Variants in GRHL3 observed in about 807,000 individuals in gnomAD.
GRHL3 encodes grainyhead like transcription factor 3.
In GRHL3, 20 loss-of-function variants were observed where a neutral mutation model predicts 70.3. The observed-to-expected ratio is 0.28, with a 90% confidence interval of 0.20 to 0.41. The LOEUF (loss-of-function observed/expected upper bound fraction) is 0.41. GRHL3 is among the 10% of genes least tolerant of loss of function. GRHL3 has a pLI of 1.00. For missense variants in GRHL3, 637 were observed against 762.3 expected, an observed-to-expected ratio of 0.84 and a Z score of 1.94; for synonymous variants, 299 against 299.9, an observed-to-expected ratio of 1.00 and a Z score of 0.03.
intron 1 of GRHL3, 100 bp downstream of exon 1, chr1:24,319,668 A>G: frequency 6.2e-7 from 1 of 1,608,646 alleles, no homozygotes; most frequent in Non-Finnish European, 8.5e-7. Flanking sequence ...CGGGATTCAC[A>G]GAGCAATTTG....
intron 15 of GRHL3, among the ~76,000 whole-genome samples, chr1:24,360,432 C>T (rs1035968534): frequency 3.9e-5 from 6 of 151,970 alleles, no homozygotes; most frequent in African/African-American, 7.3e-5. Flanking sequence ...GGCGATACAG[C>T]GAGACTCCGT....
At chr1:24,356,297 G>A (rs1640716788), downstream of GRHL3, among the ~76,000 whole-genome samples, 1 of 148,306 alleles carries the variant, frequency 6.7e-6, no homozygotes, top group South Asian at 2.2e-4. Context: ...GGCTGGAGTG[G>A]AGTGGCACGA....
intron 11 of GRHL3, 98 bp from the exon 12 acceptor site, chr1:24,344,799 T>A: frequency 7.3e-7 from 1 of 1,372,804 alleles, no homozygotes; most frequent in Non-Finnish European, 1.0e-6. Flanking sequence ...TCTCCCCACC[T>A]CCCACCAAAA....
intron 8 of GRHL3, among the ~76,000 whole-genome samples, chr1:24,340,244 C>T (rs547832325): frequency 2.5e-4 from 38 of 152,302 alleles, no homozygotes; most frequent in Middle Eastern, 3.4e-3. Flanking sequence ...CAGAATGTCG[C>T]ATGCAGGAGA....
chr1:24,329,697 T>G (rs1639531040), intron 1 of GRHL3, among the ~76,000 whole-genome samples: 1 of 152,226 alleles, frequency 6.6e-6, no homozygotes, highest in Non-Finnish European at 1.5e-5. Flanking sequence ...TGCATTATCG[T>G]AAATGGCAGC....
At chr1:24,356,698 A>G (rs1341260009), downstream of GRHL3, among the ~76,000 whole-genome samples, 1 of 152,208 alleles carries the variant, frequency 6.6e-6, no homozygotes, top group East Asian at 1.9e-4. Context: ...TCAGAGCCTC[A>G]GGGCTCACTG....
intron 11 of GRHL3, among the ~76,000 whole-genome samples, chr1:24,344,485 GAAAAAAAAAAAAA>G (rs57193515): frequency 5.4e-5 from 3 of 55,778 alleles, no homozygotes; most frequent in Non-Finnish European, 9.7e-5. Context: ...TTTCCCCCCA[GAAAAAAAAAAAAA>G]AAAAAAAAAA....
At chr1:24,355,732 A>G (rs1449119101), downstream of GRHL3, among the ~76,000 whole-genome samples, 1 of 152,200 alleles carries the variant, frequency 6.6e-6, no homozygotes, top group Non-Finnish European at 1.5e-5. Context: ...TACAGCTCAC[A>G]GAAGCAATTG....
chr1:24,324,502 A>C (rs1416729666), intron 1 of GRHL3, among the ~76,000 whole-genome samples: 1 of 152,238 alleles, frequency 6.6e-6, no homozygotes, highest in Admixed American at 6.5e-5. Context: ...AGTAGTTCAC[A>C]TTGTTATGTG....
Position 24,338,099 on chromosome 1 carries a change from C to T in GRHL3, c.948C>T (p.Asp316=), listed in dbSNP as rs369797169. The change falls in exon 7 of 16, where the codon GAC becomes GAT. Residue 316 remains aspartate (D), a synonymous_variant. Transcript: ENST00000361548. ...RQPTAKQRVI[D]VADCKENFNT... ...CCACTGCCAAGCAGCGGGTCATTGA[C>T]GTGGGTGAGAGCCTTCTCAAGCCTC... 32 of 1,602,680 alleles carry T rather than the reference C, an allele frequency of 2.0e-5. No individual in the cohort carries two copies. Among genetic ancestry groups the T allele is most frequent in the African/African-American group, 8.0e-5 (6 of 74,734 alleles).
In GRHL3 at chr1:24,360,824, T is replaced by C. The variant is rs145821697; in HGVS notation, c.1695-3361T>C. Reference sequence around the variant, plus strand: ...AAACAGTTCCAGAAGATTTGGTTTTTACAATCATTTAAAACAATCCTCTGA... The same window carrying C: ...AAACAGTTCCAGAAGATTTGGTTTTCACAATCATTTAAAACAATCCTCTGA... On this transcript the variant is annotated intron_variant, in intron 15 of 15. Transcript: ENST00000350501. The C allele has an allele frequency of 2.1e-4, 336 of 1,566,520 alleles. No individual in the cohort carries two copies. In the African/African-American group the frequency reaches 4.1e-3, roughly 19 times the overall value.
At chr1:24,363,002 T>C (rs983589269) in intron 15 of GRHL3, among the ~76,000 whole-genome samples, 10 of 152,196 alleles carry the variant, frequency 6.6e-5, no homozygotes, top group Admixed American at 3.9e-4. Flanking sequence ...CTCCAGACAT[T>C]TGATGAGTTT....
At chr1:24,343,332 G>A (rs1640124625) in intron 11 of GRHL3, 1 of 342,396 alleles carries the variant, frequency 2.9e-6, no homozygotes, top group Non-Finnish European at 5.5e-6. Context: ...GAATTCTCAC[G>A]GCAGCACTTG....
rs191107871 is a variant in GRHL3 at position 24,353,395 on chromosome 1, G to C, written c.1695-979G>C. Among the ~76,000 whole-genome samples, 47 of 152,178 alleles carry C rather than the reference G, an allele frequency of 3.1e-4. No homozygotes were observed. In the East Asian group the frequency reaches 4.4e-3, roughly 14 times the overall value. On this transcript the variant is annotated intron_variant, in intron 15 of 15. Transcript: ENST00000361548. ...GGTGGGCAGGTGGATGGAGGATGGT[G>C]GATGGGTGGGGGTGTGGGTAGATGG...
chr1:24,347,847 T>C (rs1490513882), intron 14 of GRHL3, among the ~76,000 whole-genome samples: 1 of 152,208 alleles, frequency 6.6e-6, no homozygotes, highest in Non-Finnish European at 1.5e-5. Context: ...TTTGCAAACC[T>C]GTTTCTGTTT....
intron 15 of GRHL3, among the ~76,000 whole-genome samples, 176 bp from the exon 16 acceptor site, chr1:24,354,198 A>T (rs1640625775): frequency 6.6e-6 from 1 of 151,776 alleles, no homozygotes; most frequent in Non-Finnish European, 1.5e-5. Flanking sequence ...GCAGTAAAGG[A>T]GACTGTGACT....
chr1:24,328,692 T>C (rs1639484440), intron 1 of GRHL3, among the ~76,000 whole-genome samples: 1 of 152,234 alleles, frequency 6.6e-6, no homozygotes, highest in Non-Finnish European at 1.5e-5. Flanking sequence ...TTCTACCACT[T>C]TGCAACCCCT....
At chr1:24,364,402 G>A (rs773122253) in exon 16 of GRHL3, 27 of 1,511,384 alleles carry the variant, frequency 1.8e-5, no homozygotes, top group South Asian at 9.3e-5. Context: ...GTGGAAGGAC[G>A]ACGGCAGGTC....
rs2247991 is a variant in GRHL3, at chr1:24,319,888, G to A, written c.17+320G>A. 20,532 of 499,544 alleles carry A rather than the reference G, an allele frequency of 0.041. 3,486 individuals carry two copies. The highest frequency in any genetic ancestry group is 0.36 in the African/African-American group (18,542 of 50,878). 30.9% of individuals were successfully genotyped at this position (499,544 alleles called of 1,614,324 possible). On this transcript the variant is annotated intron_variant, in intron 1 of 15. Coordinates refer to ENST00000361548, the MANE Select transcript of GRHL3 (RefSeq NM_198173.3). ...TCTGAAGGGGCCTTGGAAATCAGAC[G>A]ACCCCAATCCCATCGAGGCTTTCTA...
Sources: allele counts gnomAD v4.1 joint callset (sites outside exome capture counted in the v4.1 genomes callset), GRCh38; gene constraint gnomAD v4.1.1; transcripts MANE v1.5; gene names NCBI Gene and HGNC (gene_info 2026-07-23, HGNC 2026-07-21).